SORCS3: variants seen among roughly 807,000 people sequenced by gnomAD.
SORCS3 encodes sortilin related VPS10 domain containing receptor 3.
In SORCS3, 57 loss-of-function variants were observed where a neutral mutation model predicts 146.3. That is an observed-to-expected ratio of 0.39 (90% CI 0.31 to 0.49). The LOEUF (loss-of-function observed/expected upper bound fraction) is 0.49. SORCS3 is among the 20% of genes least tolerant of loss of function. The pLI is 0.92. For synonymous variants in SORCS3, 653 were observed against 618.5 expected, an observed-to-expected ratio of 1.06 and a Z score of -0.83; for missense variants, 1,341 against 1,575.5, an observed-to-expected ratio of 0.85 and a Z score of 2.52.
intron 4 of SORCS3, among the ~76,000 whole-genome samples, chr10:104,983,077 G>A (rs1254957773): frequency 1.3e-5 from 2 of 151,984 alleles, no homozygotes; most frequent in Admixed American, 6.6e-5. Flanking sequence ...TTGGTTCACT[G>A]CAACCTCCAT....
At chr10:104,850,600 C>T (rs375372381) in intron 2 of SORCS3, among the ~76,000 whole-genome samples, 1 of 152,116 alleles carries the variant, frequency 6.6e-6, no homozygotes, top group South Asian at 2.1e-4. Context: ...AAAATAAAAG[C>T]TCCTTGGTTG....
intron 3 of SORCS3, among the ~76,000 whole-genome samples, chr10:104,933,053 C>T (rs2019223431): frequency 6.6e-6 from 1 of 152,096 alleles, no homozygotes; most frequent in South Asian, 2.1e-4. Context: ...TTTAATTGTT[C>T]CATACCTCAG....
At chr10:104,725,450 C>T (rs950542172) in intron 1 of SORCS3, among the ~76,000 whole-genome samples, 14 of 152,230 alleles carry the variant, frequency 9.2e-5, no homozygotes, top group Non-Finnish European at 2.1e-4. Context: ...GGCAGTCTGT[C>T]CGTTCTCAGA....
chr10:104,998,350 T>G (rs1447907267), intron 4 of SORCS3, among the ~76,000 whole-genome samples: 1 of 152,134 alleles, frequency 6.6e-6, no homozygotes, highest in Non-Finnish European at 1.5e-5. Flanking sequence ...AGATGACAGG[T>G]GTGCTGTGAG....
At chr10:104,856,717 TTATCTC>T (rs899223919) in intron 2 of SORCS3, among the ~76,000 whole-genome samples, 2 of 145,912 alleles carry the variant, frequency 1.4e-5, no homozygotes, top group Admixed American at 1.4e-4. Flanking sequence ...CTCTTTTCCT[TTATCTC>T]TATCTCTCTC....
chr10:104,741,692 CATTCTGGG>C, intron 1 of SORCS3, among the ~76,000 whole-genome samples: 1 of 44,016 alleles, frequency 2.3e-5, no homozygotes, highest in Non-Finnish European at 5.0e-5. Context: ...CTTTCCTTTC[CATTCTGGG>C]TTTTTTTTTT....
chr10:104,756,373 T>C (rs965670198), intron 1 of SORCS3, among the ~76,000 whole-genome samples: 1 of 152,222 alleles, frequency 6.6e-6, no homozygotes, highest in Non-Finnish European at 1.5e-5. Context: ...TAAAAGAATG[T>C]CTGAATAGTC....
chr10:104,992,033 G>T (rs377475550), intron 4 of SORCS3, among the ~76,000 whole-genome samples: 145 of 152,300 alleles, frequency 9.5e-4, no homozygotes, highest in Middle Eastern at 3.4e-3. Flanking sequence ...TGTCCCTGCT[G>T]CCCTGTGTGA....
At chr10:104,699,545 G>T (rs1241552980) in intron 1 of SORCS3, among the ~76,000 whole-genome samples, 1 of 152,110 alleles carries the variant, frequency 6.6e-6, no homozygotes, top group Non-Finnish European at 1.5e-5. Context: ...AAGATGAATG[G>T]CAAGACCATT....
intron 1 of SORCS3, among the ~76,000 whole-genome samples, chr10:104,644,121 G>C (rs1040740735): frequency 3.5e-4 from 53 of 152,358 alleles, no homozygotes; most frequent in African/African-American, 1.3e-3. Context: ...GGGGCTTGGG[G>C]ACTGGAGCAG....
In SORCS3 at chr10:104,955,187, C is replaced by T. The variant is rs575658528; in HGVS notation, c.796-22148C>T. Reference sequence around the variant, plus strand: ...GTAGTCGTTTCCCATTCCCCTATATCCCTAGTCTCTGGCAATCACCCGTCG... The same window carrying T: ...GTAGTCGTTTCCCATTCCCCTATATTCCTAGTCTCTGGCAATCACCCGTCG... On this transcript the variant is annotated intron_variant, in intron 3 of 26. Coordinates refer to ENST00000369701, the MANE Select transcript of SORCS3 (RefSeq NM_014978.3). 1.7e-3 allele frequency among the ~76,000 whole-genome samples: 255 copies of T among 151,838 alleles called. 1 individual carries two copies. The highest frequency in any genetic ancestry group is 5.7e-3 in the African/African-American group (236 of 41,398).
At chr10:104,890,099 A>G (rs2018733006) in intron 2 of SORCS3, among the ~76,000 whole-genome samples, 1 of 151,954 alleles carries the variant, frequency 6.6e-6, no homozygotes, top group African/African-American at 2.4e-5. Context: ...TTATGTTTCT[A>G]TCACTGATGT....
intron 11 of SORCS3, among the ~76,000 whole-genome samples, chr10:105,163,569 A>G (rs1231497739): frequency 6.6e-6 from 1 of 152,180 alleles, no homozygotes; most frequent in Non-Finnish European, 1.5e-5. Flanking sequence ...ATATAGATGG[A>G]CTAGAAAAGC....
At chr10:104,674,926 T>G (rs147788784) in intron 1 of SORCS3, among the ~76,000 whole-genome samples, 32 of 152,372 alleles carry the variant, frequency 2.1e-4, no homozygotes, top group Middle Eastern at 3.4e-3. Context: ...TTCCAATTTT[T>G]GGCTATATGA....
At chr10:105,249,323 A>T (rs2056885399) in intron 22 of SORCS3, among the ~76,000 whole-genome samples, 2 of 152,194 alleles carry the variant, frequency 1.3e-5, no homozygotes, top group South Asian at 2.1e-4. Flanking sequence ...GATGAAGCAG[A>T]GGTTCATGCT....
At chr10:105,234,889 G>A (rs560894064) in intron 20 of SORCS3, among the ~76,000 whole-genome samples, 22 of 151,968 alleles carry the variant, frequency 1.4e-4, no homozygotes, top group Non-Finnish European at 2.8e-4. Context: ...TGTCTTCTAT[G>A]TTTTTTCCCT....
chr10:104,676,508 G>A (rs1307747478), intron 1 of SORCS3, among the ~76,000 whole-genome samples: 2 of 152,218 alleles, frequency 1.3e-5, no homozygotes, highest in African/African-American at 2.4e-5. Context: ...AGGTAAAGGA[G>A]TATGTAAAAT....
chr10:104,960,578 A>C (rs1285221733), intron 3 of SORCS3, among the ~76,000 whole-genome samples: 19 of 152,078 alleles, frequency 1.2e-4, no homozygotes, highest in Non-Finnish European at 2.4e-4. Flanking sequence ...CGCCCATAAT[A>C]ATCCATTAAT....
chr10:105,065,354 T>C (rs1292983391), intron 5 of SORCS3, among the ~76,000 whole-genome samples: 1 of 151,846 alleles, frequency 6.6e-6, no homozygotes, highest in Non-Finnish European at 1.5e-5. Flanking sequence ...CTATTGAGAG[T>C]GTGGAAACTC....
Sources: gnomAD v4.1 joint callset for allele counts (sites outside exome capture counted in the v4.1 genomes callset) on GRCh38, gnomAD v4.1.1 for gene constraint, MANE v1.5 for transcripts, NCBI Gene and HGNC (gene_info 2026-07-23, HGNC 2026-07-21) for gene names.